The following WWOX variants were observed in gnomAD, a reference collection of about 807,000 sequenced individuals.
The protein encoded by WWOX is WW domain containing oxidoreductase.
In WWOX, 69 loss-of-function variants were observed where a neutral mutation model predicts 46.2. The ratio of observed to expected loss-of-function variants is 1.49; its 90% CI spans 1.23 to 1.82. The LOEUF (loss-of-function observed/expected upper bound fraction) is 1.82, where lower values mean the gene tolerates loss of function less well. Ranked by LOEUF, WWOX falls within the 40% of genes most tolerant of loss-of-function variation. The pLI is 0.00. For missense variants in WWOX, 919 were observed against 542.6 expected (o/e 1.69, Z -6.89); for synonymous variants, 359 against 202.6 (o/e 1.77, Z -6.56).
intron 8 of WWOX, chr16:79,106,608 TTTTTTTTG>T (rs1184802273): frequency 2.6e-5 from 2 of 77,948 alleles, no homozygotes; most frequent in East Asian, 9.9e-4. Context: ...TTTTTTTTTT[TTTTTTTTG>T]GAGAACGGTC....
chr16:78,836,838 A>G (rs966651817), intron 8 of WWOX, among the ~76,000 whole-genome samples: 2 of 152,164 alleles, frequency 1.3e-5, no homozygotes, highest in African/African-American at 4.8e-5. Flanking sequence ...CGGGACTGAG[A>G]TGAAACAGAA....
intron 8 of WWOX, among the ~76,000 whole-genome samples, chr16:78,666,894 G>A (rs1187308930): frequency 1.3e-5 from 2 of 152,182 alleles, no homozygotes; most frequent in African/African-American, 4.8e-5. Context: ...TCAGACATAA[G>A]TCAGAAGGCA....
chr16:79,210,161 T>G (rs1427297711), intron 8 of WWOX, among the ~76,000 whole-genome samples: 1 of 152,234 alleles, frequency 6.6e-6, no homozygotes, highest in African/African-American at 2.4e-5. Context: ...TCGTATCACT[T>G]GACTGCATTT....
chr16:79,148,506 C>A (rs1171755608), intron 8 of WWOX, among the ~76,000 whole-genome samples: 3 of 152,128 alleles, frequency 2.0e-5, no homozygotes, highest in Admixed American at 6.5e-5. Context: ...TGATTCTTCT[C>A]ACTGTATTCT....
chr16:78,217,597 G>A (rs1183719628), intron 5 of WWOX, among the ~76,000 whole-genome samples: 2 of 152,096 alleles, frequency 1.3e-5, no homozygotes, highest in African/African-American at 4.8e-5. Context: ...CCTTAATAGA[G>A]ACCGAGAAAC....
chr16:79,014,336 C>T (rs1024279969), intron 8 of WWOX, among the ~76,000 whole-genome samples: 3 of 152,118 alleles, frequency 2.0e-5, no homozygotes, highest in African/African-American at 7.2e-5. Context: ...GGCAGTCGGG[C>T]AGTGACATGT....
intron 5 of WWOX, among the ~76,000 whole-genome samples, chr16:78,224,291 C>T (rs1193146753): frequency 1.3e-5 from 2 of 152,088 alleles, no homozygotes; most frequent in East Asian, 3.9e-4. Flanking sequence ...GTGTGAGCCA[C>T]CACGTCCGGC....
chr16:78,655,466 A>C (rs887890556), intron 8 of WWOX, among the ~76,000 whole-genome samples: 2 of 152,154 alleles, frequency 1.3e-5, no homozygotes, highest in African/African-American at 4.8e-5. Flanking sequence ...ATCTCATCTG[A>C]GTGTGCAGCC....
At chr16:78,363,649 C>G (rs1414770589) in intron 5 of WWOX, among the ~76,000 whole-genome samples, 1 of 152,162 alleles carries the variant, frequency 6.6e-6, no homozygotes, top group African/African-American at 2.4e-5. Flanking sequence ...ATTCCCCTTT[C>G]TTCTAAATAT....
chr16:78,588,970 C>G (rs1191872752), intron 8 of WWOX, among the ~76,000 whole-genome samples: 1 of 152,158 alleles, frequency 6.6e-6, no homozygotes, highest in African/African-American at 2.4e-5. Context: ...CAGCCACTCT[C>G]CAAAGCCTCT....
At chr16:78,408,754 C>T (rs746161152) in intron 6 of WWOX, among the ~76,000 whole-genome samples, 1 of 152,092 alleles carries the variant, frequency 6.6e-6, no homozygotes, top group Non-Finnish European at 1.5e-5. Context: ...GGAAGAATTC[C>T]TGGAGAAAGG....
At chr16:78,356,091 A>AAAAAAAAAAAAAG (rs1281293467) in intron 5 of WWOX, among the ~76,000 whole-genome samples, 2 of 76,732 alleles carry the variant, frequency 2.6e-5, no homozygotes, top group Non-Finnish European at 5.7e-5. Context: ...AAAAAAAAAA[A>AAAAAAAAAAAAAG]AAGAAGAATC....
intron 8 of WWOX, among the ~76,000 whole-genome samples, chr16:78,940,304 A>T (rs1303817447): frequency 6.6e-6 from 1 of 152,124 alleles, no homozygotes; most frequent in Non-Finnish European, 1.5e-5. Context: ...TGATTTTTTG[A>T]TTTATGAGTC....
chr16:78,710,364 G>T (rs2048412417), intron 8 of WWOX, among the ~76,000 whole-genome samples: 1 of 150,438 alleles, frequency 6.6e-6, no homozygotes, highest in South Asian at 2.1e-4. Context: ...CCTTTTCCCA[G>T]TGCGCACTAA....
intron 8 of WWOX, among the ~76,000 whole-genome samples, chr16:78,848,601 G>C (rs954282905): frequency 2.0e-5 from 3 of 152,152 alleles, no homozygotes; most frequent in African/African-American, 7.2e-5. Flanking sequence ...ACAGGGTGCA[G>C]AGTGGGAAGG....
chr16:78,956,470 T>C (rs2151307299), intron 8 of WWOX, among the ~76,000 whole-genome samples: 1 of 152,270 alleles, frequency 6.6e-6, no homozygotes, highest in East Asian at 1.9e-4. Context: ...TTGTTTTAAT[T>C]GATTAATCTA....
chr16:78,811,688 T>C (rs1461458175), intron 8 of WWOX, among the ~76,000 whole-genome samples: 1 of 152,010 alleles, frequency 6.6e-6, no homozygotes, highest in Non-Finnish European at 1.5e-5. Context: ...CCTCTTCTTA[T>C]AAGGCTACTA....
chr16:78,840,351 C>T (rs542218626), intron 8 of WWOX, among the ~76,000 whole-genome samples: 62 of 152,228 alleles, frequency 4.1e-4, no homozygotes, highest in African/African-American at 1.4e-3. Flanking sequence ...GGAGAGGAGG[C>T]ATGAGGCATG....
intron 1 of WWOX, among the ~76,000 whole-genome samples, chr16:78,107,471 T>C (rs1363425888): frequency 1.3e-5 from 2 of 152,184 alleles, no homozygotes; most frequent in Non-Finnish European, 1.5e-5. Flanking sequence ...AATATTCTTA[T>C]AGTAGCCCCT....
Sources: gnomAD v4.1 joint callset for allele counts (sites outside exome capture counted in the v4.1 genomes callset) on GRCh38, gnomAD v4.1.1 for gene constraint, MANE v1.5 for transcripts, NCBI Gene and HGNC (gene_info 2026-07-23, HGNC 2026-07-21) for gene names.